STXBP5: variants seen among roughly 807,000 people sequenced by gnomAD.
The protein encoded by STXBP5 is syntaxin binding protein 5.
In STXBP5, 50 loss-of-function variants were observed where a neutral mutation model predicts 152.4. The observed-to-expected ratio is 0.33, with a 90% confidence interval of 0.26 to 0.42. The LOEUF is 0.42. Among genes scored for constraint, STXBP5 ranks in the 10% least tolerant of loss-of-function variants. STXBP5 has a pLI of 1.00. For missense variants in STXBP5, 1,167 were observed against 1,388.6 expected (o/e 0.84, Z 2.54); for synonymous variants, 492 against 494.7 (o/e 0.99, Z 0.07).
At chr6:147,293,446 A>G (rs569508066) in intron 9 of STXBP5, 6 of 152,292 alleles carry the variant, frequency 3.9e-5, no homozygotes, top group African/African-American at 1.4e-4. Context: ...CTAAATCGAG[A>G]ACTGTGCTAC....
At chr6:147,338,022 T>G (rs1253665846) in intron 19 of STXBP5, among the ~76,000 whole-genome samples, 1 of 152,096 alleles carries the variant, frequency 6.6e-6, no homozygotes, top group Non-Finnish European at 1.5e-5. Flanking sequence ...GTGTCAAATT[T>G]TGACCTGATT....
chr6:147,308,255 T>C lies in STXBP5; in HGVS notation c.918-1829T>C, dbSNP rs183117511. Among the ~76,000 whole-genome samples, 49 of 152,322 alleles carry C rather than the reference T, an allele frequency of 3.2e-4. 1 individual carries two copies. The highest frequency in any genetic ancestry group is 1.2e-3 in the African/African-American group (48 of 41,584). On this transcript the variant is annotated intron_variant, in intron 9 of 27. Coordinates refer to ENST00000321680, the MANE Select transcript of STXBP5 (RefSeq NM_001127715.4). ...ATAAAAAGTGGAAGAAAATCAAATA[T>C]ACTTTCCTGAGCACGGTCATAATAA... is the stretch of plus-strand genomic sequence containing the variant.
chr6:147,331,571 A>G (rs1783570215), intron 18 of STXBP5, among the ~76,000 whole-genome samples: 1 of 152,196 alleles, frequency 6.6e-6, no homozygotes, highest in Non-Finnish European at 1.5e-5. Context: ...ACAATGTGGC[A>G]TACCTAATCA....
In STXBP5 at chr6:147,260,614, G is replaced by A; in HGVS notation, c.432-1G>A. The A allele has an allele frequency of 6.2e-7, 1 of 1,613,464 alleles. No homozygotes were observed. Among genetic ancestry groups the A allele is most frequent in the Non-Finnish European group, 8.5e-7 (1 of 1,179,634 alleles). On this transcript the variant is annotated splice_acceptor_variant, in intron 4 of 27. Transcript: ENST00000321680. LOFTEE classifies it high-confidence loss of function. ...TTTTTGAGTATATTTTTCTCTTGCA[G>A]GGTTACATTTTGCCATCTGCCTTTC...
At chr6:147,251,816 T>A (rs1415591428) in intron 4 of STXBP5, among the ~76,000 whole-genome samples, 1 of 152,002 alleles carries the variant, frequency 6.6e-6, no homozygotes, top group East Asian at 1.9e-4. Context: ...GCAGCAGGGG[T>A]CGACAGACAC....
intron 25 of STXBP5, among the ~76,000 whole-genome samples, chr6:147,367,243 A>G (rs962033512): frequency 1.3e-5 from 2 of 152,204 alleles, no homozygotes; most frequent in Non-Finnish European, 2.9e-5. Context: ...ATAGCAACAG[A>G]AAAAAATAAC....
At chr6:147,213,444 G>C (rs1403458721) in intron 2 of STXBP5, among the ~76,000 whole-genome samples, 1 of 104,420 alleles carries the variant, frequency 9.6e-6, no homozygotes, top group African/African-American at 3.2e-5. Flanking sequence ...ATGTGTGTGT[G>C]TGTGTGTGTG....
At chr6:147,205,352 A>G (rs1776485053) in intron 1 of STXBP5, among the ~76,000 whole-genome samples, 1 of 141,904 alleles carries the variant, frequency 7.0e-6, no homozygotes, top group Non-Finnish European at 1.5e-5. Context: ...TTTGTATGTC[A>G]GAGTTAATTA....
At chr6:147,362,163 G>T (rs144665443) in intron 23 of STXBP5, among the ~76,000 whole-genome samples, 10,459 of 151,972 alleles carry the variant, frequency 0.069, 486 homozygotes, top group African/African-American at 0.12. Context: ...CTCAATAGAA[G>T]GCTGCAACCT....
chr6:147,317,647 A>G (rs1175550902), intron 16 of STXBP5, among the ~76,000 whole-genome samples: 2 of 152,194 alleles, frequency 1.3e-5, no homozygotes, highest in Non-Finnish European at 2.9e-5. Context: ...CATTGAGGTT[A>G]AGCAGCTACA....
chr6:147,299,260 A>AC (rs60661650), intron 9 of STXBP5, among the ~76,000 whole-genome samples: 4 of 151,582 alleles, frequency 2.6e-5, no homozygotes, highest in Admixed American at 1.3e-4. Context: ...AAAAAAAAAA[A>AC]GTGTATGAAG....
chr6:147,334,746 AAT>A (rs1166832319), intron 19 of STXBP5, among the ~76,000 whole-genome samples: 1 of 152,084 alleles, frequency 6.6e-6, no homozygotes, highest in African/African-American at 2.4e-5. Context: ...ATTTCAAAAG[AAT>A]ATTAATTTTT....
chr6:147,250,885 T>A (rs1286649163), intron 4 of STXBP5, among the ~76,000 whole-genome samples: 1 of 150,202 alleles, frequency 6.7e-6, no homozygotes, highest in East Asian at 2.0e-4. Context: ...GGAGAATCGC[T>A]TGAACCTGGG....
chr6:147,270,624 A>G lies in STXBP5; in HGVS notation c.714+3457A>G, dbSNP rs534769333. The stretch of plus-strand genomic sequence containing the variant: ...GCAGACCTCAACTATAAGATATGTT[A>G]AAAGAAGTCCTGCATGCAGAAGACA... On this transcript the variant is annotated intron_variant, in intron 7 of 27. Coordinates refer to ENST00000321680, the MANE Select transcript of STXBP5 (RefSeq NM_001127715.4). Among the ~76,000 whole-genome samples the G allele has an allele frequency of 1.4e-3, 207 of 152,256 alleles. 1 individual carries two copies. The highest frequency in any genetic ancestry group is 7.0e-3 in the South Asian group (34 of 4,828).
At chr6:147,318,882 G>A (rs1782773861) in intron 16 of STXBP5, among the ~76,000 whole-genome samples, 1 of 152,024 alleles carries the variant, frequency 6.6e-6, no homozygotes, top group Admixed American at 6.6e-5. Flanking sequence ...GGAACTCTAG[G>A]TATTTTTTAT....
intron 9 of STXBP5, among the ~76,000 whole-genome samples, chr6:147,300,338 A>T (rs1781745084): frequency 6.6e-6 from 1 of 152,138 alleles, no homozygotes; most frequent in Admixed American, 6.6e-5. Context: ...GTAAATAGTG[A>T]AAGTAATATT....
intron 7 of STXBP5, among the ~76,000 whole-genome samples, chr6:147,271,871 T>C (rs1019985907): frequency 6.6e-6 from 1 of 151,970 alleles, no homozygotes; most frequent in African/African-American, 2.4e-5. Flanking sequence ...TTGATAAACA[T>C]ATAGTCAGAG....
At chr6:147,370,756 A>G (rs1785501834) in intron 25 of STXBP5, among the ~76,000 whole-genome samples, 1 of 152,080 alleles carries the variant, frequency 6.6e-6, no homozygotes, top group Non-Finnish European at 1.5e-5. Flanking sequence ...AACTGATGAC[A>G]GTTGAACTGT....
intron 7 of STXBP5, among the ~76,000 whole-genome samples, chr6:147,268,520 G>A (rs561120473): frequency 6.6e-6 from 1 of 152,186 alleles, no homozygotes; most frequent in African/African-American, 2.4e-5. Context: ...AGGCATGACT[G>A]AAAGGGAATT....
Sources: allele counts gnomAD v4.1 joint callset (sites outside exome capture counted in the v4.1 genomes callset), GRCh38; gene constraint gnomAD v4.1.1; transcripts MANE v1.5; gene names NCBI Gene and HGNC (gene_info 2026-07-23, HGNC 2026-07-21).